CPSF1: variants seen among roughly 807,000 people sequenced by gnomAD.
CPSF1 encodes the protein cleavage and polyadenylation specific factor 1.
A neutral mutation model predicts 175.8 loss-of-function variants in CPSF1; 106 were observed. That is an observed-to-expected ratio of 0.60 (90% CI 0.52 to 0.71). The LOEUF (loss-of-function observed/expected upper bound fraction) is 0.71, where lower values mean the gene tolerates loss of function less well. CPSF1 is among the 30% of genes least tolerant of loss of function. CPSF1 has a pLI of 0.00. For synonymous variants in CPSF1, 1,024 were observed against 858.3 expected, an observed-to-expected ratio of 1.19 and a Z score of -3.37; for missense variants, 1,734 against 2,022.9, an observed-to-expected ratio of 0.86 and a Z score of 2.74.
At position 144,394,268 on chromosome 8, in the gene CPSF1, G is replaced by A. The variant is rs782602455; in HGVS notation, c.3777C>T (p.Asp1259=). Residue 1259 remains aspartate, a synonymous_variant, in exon 33 of 38, where the codon GAC becomes GAT. Coordinates refer to ENST00000616140, the MANE Select transcript of CPSF1 (RefSeq NM_013291.3). Reference sequence around the variant, plus strand: ...CCAGCTGGGCATTGTCCACCATGAAGTCCACGCTGTACACCTCCAGGGGCT... The same window carrying A: ...CCAGCTGGGCATTGTCCACCATGAAATCCACGCTGTACACCTCCAGGGGCT... ...DAKPLEVYSV[D]FMVDNAQLGF... The A allele has an allele frequency of 6.2e-7, 1 of 1,603,770 alleles. No homozygotes were observed. Among genetic ancestry groups the A allele is most frequent in the Admixed American group, 1.7e-5 (1 of 59,174 alleles).
chr8:144,397,933 G>C, intron 20 of CPSF1, 21 bp downstream of exon 20: 2 of 1,599,520 alleles, frequency 1.3e-6, no homozygotes, highest in Non-Finnish European at 1.7e-6. Context: ...ACAGGAGGGC[G>C]CCGGGAATGA....
chr8:144,402,430 A>G (rs2116891343), intron 2 of CPSF1, among the ~76,000 whole-genome samples: 21 of 151,968 alleles, frequency 1.4e-4, no homozygotes, highest in Non-Finnish European at 2.8e-4. Flanking sequence ...TCAGCCTCCC[A>G]AGTAGCTGGG....
Position 144,401,507 on chromosome 8 carries a change from T to C in CPSF1, c.229A>G (p.Asn77Asp). ...ELAASFSFFG[N>D]VMSMASVQLA... The stretch of plus-strand genomic sequence containing the variant: ...TGCACGCTGGCCATGGACATGACGT[T>C]GCCAAAGAAGGAGAAGGAGGCAGCA... Residue 77 changes from asparagine to aspartate, a missense_variant, in exon 4 of 38, where the codon AAC becomes GAC. By Grantham distance (23) the Asn-to-Asp change is conservative. This residue lies in a region of CPSF1 where 126 missense variants were observed against 117.9 expected (regional missense o/e 1.07). Transcript: ENST00000616140. The C allele has an allele frequency of 6.2e-7, 1 of 1,613,998 alleles. No homozygotes were observed.
intron 2 of CPSF1, among the ~76,000 whole-genome samples, chr8:144,402,377 G>A (rs2116890949): frequency 3.9e-5 from 6 of 152,020 alleles, no homozygotes; most frequent in South Asian, 4.1e-4. Flanking sequence ...GCGTGATCTT[G>A]GCTCACTGCA....
At chr8:144,398,898 G>A (rs1554865247) in intron 16 of CPSF1, 30 bp from the exon 17 acceptor site, 2 of 1,608,764 alleles carry the variant, frequency 1.2e-6, no homozygotes, top group Admixed American at 3.3e-5. Flanking sequence ...GGGGTGTGAT[G>A]GGGGTGTGAG....
At position 144,401,148 on chromosome 8, in the gene CPSF1, C is replaced by G. The variant is rs1478077996; in HGVS notation, c.387+63G>C. The G allele has an allele frequency of 5.1e-6, 8 of 1,573,870 alleles. No individual in the cohort carries two copies. The East Asian group carries it at 1.4e-4, about 27-fold the overall frequency. On this transcript the variant is annotated intron_variant, in intron 5 of 37. Transcript: ENST00000616140. ...GGGAAACACTTGGGGCCACAGAACC[C>G]AGCTGCAGGGGGAGGGAGGGTGGCT...
chr8:144,394,313 AGGG>A lies in CPSF1; in HGVS notation c.3745-16_3745-14del. ...GGGGCTTGGCATCCTGGGGGCGGGA[AGGG>A]GGCGTCAGAGGTGCCTTGGGCGGGT... On this transcript the variant is annotated splice_polypyrimidine_tract_variant and intron_variant, in intron 32 of 37. Transcript: ENST00000616140. 1 of 1,585,054 alleles carries A rather than the reference AGGG, an allele frequency of 6.3e-7. No individual in the cohort carries two copies. Among genetic ancestry groups the A allele is most frequent in the Non-Finnish European group, 8.6e-7 (1 of 1,163,512 alleles).
At chr8:144,400,132 C>CGGGGGGGG in intron 9 of CPSF1, 34 bp downstream of exon 9, 7 of 1,067,938 alleles carry the variant, frequency 6.6e-6, no homozygotes, top group South Asian at 1.5e-5. Context: ...AAGCCGTCCC[C>CGGGGGGGG]GGGCCCCCCC....
In CPSF1 at chr8:144,399,578, G is replaced by A. The variant is rs2116864273; in HGVS notation, c.1242+10C>T. 12 of 1,610,766 alleles carry A rather than the reference G, an allele frequency of 7.4e-6. 1 individual carries two copies. The South Asian group carries it at 1.2e-4, about 16-fold the overall frequency. ...GAAGGGTGGTGGCCCAATGGGCCCA[G>A]GAAACCCACCTTGTCGGCAGCCTCA... is the stretch of plus-strand genomic sequence containing the variant. On this transcript the variant is annotated intron_variant, in intron 12 of 37. Transcript: ENST00000616140. This position sits in a 1 kb window ranked among gnomAD's most constrained non-coding sequence, Gnocchi z 6.4.
intron 9 of CPSF1, 31 bp downstream of exon 9, chr8:144,400,135 G>GGCGCCCCC: frequency 1.1e-6 from 1 of 896,006 alleles, no homozygotes; most frequent in Non-Finnish European, 1.6e-6. Context: ...CCGTCCCCGG[G>GGCGCCCCC]CCCCCCCCGC....
intron 26 of CPSF1, 30 bp downstream of exon 26, chr8:144,396,318 C>T: frequency 6.4e-7 from 1 of 1,565,534 alleles, no homozygotes; most frequent in South Asian, 1.2e-5. Flanking sequence ...CAGCATCAGC[C>T]AGTGCTGCTG....
rs1215984845 is a variant in CPSF1 at position 144,409,136 on chromosome 8, G to A, written c.23C>T (p.Ala8Val). Residue 8 changes from alanine to valine, a missense_variant, in exon 2 of 38, where the codon GCG (alanine) becomes GTG (valine). Ala to Val is a moderately conservative substitution (Grantham distance 64, BLOSUM62 0). Coordinates refer to ENST00000616140, the MANE Select transcript of CPSF1 (RefSeq NM_013291.3). Reference protein sequence around the residue: MYAVYKQAHPPTGLEFSM... With the variant: MYAVYKQVHPPTGLEFSM... The stretch of plus-strand genomic sequence containing the variant: ...GAACTCCAGACCGGTGGGCGGATGC[G>A]CCTGTTTGTACACGGCGTACATGGC... 3.1e-6 allele frequency: 5 copies of A among 1,612,330 alleles called. No homozygotes were observed. The highest frequency in any genetic ancestry group is 2.7e-5 in the African/African-American group (2 of 74,886).
In CPSF1 at chr8:144,393,369, C is replaced by T. The variant is rs1564681068; in HGVS notation, c.4285-4G>A. ...TCTCCAGCAAGTCGTCCAGGATCTG[C>T]AGGGGATGGAAGGGTGGGTGGGTGG... On this transcript the variant is annotated splice_region_variant and splice_polypyrimidine_tract_variant and intron_variant, in intron 37 of 37. Transcript: ENST00000616140. The T allele has an allele frequency of 2.7e-6, 3 of 1,112,614 alleles. No homozygotes were observed. The highest frequency in any genetic ancestry group is 4.3e-5 in the East Asian group (1 of 23,072). The allele number at this position is 1,112,614 out of a possible 1,614,324, so 68.9% of individuals were successfully genotyped here.
chr8:144,405,352 G>A (rs2116901632), intron 2 of CPSF1, among the ~76,000 whole-genome samples: 2 of 152,160 alleles, frequency 1.3e-5, no homozygotes, highest in African/African-American at 4.8e-5. Flanking sequence ...GCCGGGCTCC[G>A]TGGCTCACAC....
At position 144,394,562 on chromosome 8, in the gene CPSF1, G is replaced by A; in HGVS notation, c.3568-7C>T. The A allele has an allele frequency of 2.5e-6, 4 of 1,607,346 alleles. No individual in the cohort carries two copies. Among genetic ancestry groups the A allele is most frequent in the Non-Finnish European group, 3.4e-6 (4 of 1,177,194 alleles). ...GCAGGCTCCACAGGAAAATCTGGGG[G>A]CGAGGGCGAGGGTGAGCGGGCGCGG... is the stretch of plus-strand genomic sequence containing the variant. On this transcript the variant is annotated splice_region_variant and splice_polypyrimidine_tract_variant and intron_variant, in intron 31 of 37. Transcript: ENST00000616140.
chr8:144,397,115 T>C (rs1419261933), intron 23 of CPSF1, 92 bp downstream of exon 23: 6 of 733,606 alleles, frequency 8.2e-6, no homozygotes, highest in South Asian at 3.6e-5. Context: ...GTGGGGGAGA[T>C]GGGGTGGAGC....
chr8:144,395,405 G>A (rs1820656610), intron 27 of CPSF1, 30 bp downstream of exon 27: 1 of 1,612,786 alleles, frequency 6.2e-7, no homozygotes, highest in Admixed American at 1.7e-5. Context: ...GGCCCAGAAG[G>A]TCCCTGGTGG....
chr8:144,396,317 C>A (rs782790724), intron 26 of CPSF1, 31 bp downstream of exon 26: 1 of 1,564,528 alleles, frequency 6.4e-7, no homozygotes. Flanking sequence ...GCAGCATCAG[C>A]CAGTGCTGCT....
chr8:144,405,571 C>T (rs2116902485), intron 2 of CPSF1, among the ~76,000 whole-genome samples: 7 of 152,048 alleles, frequency 4.6e-5, no homozygotes, highest in African/African-American at 1.2e-4. Flanking sequence ...TTGCAGTGAG[C>T]TGAGATCGCA....
Sources: gnomAD v4.1 joint callset for allele counts (sites outside exome capture counted in the v4.1 genomes callset) on GRCh38, gnomAD v4.1.1 for gene constraint, gnomAD v4.1.1 regional missense constraint, Gnocchi (gnomAD v3.1) non-coding constraint, MANE v1.5 for transcripts, NCBI Gene and HGNC (gene_info 2026-07-23, HGNC 2026-07-21) for gene names.